Variants in PNKD observed in about 807,000 individuals in gnomAD.
The protein encoded by PNKD is PNKD metallo-beta-lactamase domain containing, also known as probable thioesterase PNKD.
Under a neutral mutation model 45.3 loss-of-function variants are expected in PNKD, and 36 were observed. That is an observed-to-expected ratio of 0.80 (90% confidence interval 0.61 to 1.05). PNKD has a LOEUF of 1.05. PNKD is among the 50% of genes least tolerant of loss of function. PNKD has a pLI of 0.00. For missense variants in PNKD, 511 were observed against 506.6 expected (o/e 1.01, Z -0.08); for synonymous variants, 197 against 210.1 (o/e 0.94, Z 0.54).
chr2:218,273,499 A>G (rs1291726390), intron 2 of PNKD, among the ~76,000 whole-genome samples: 4 of 93,196 alleles, frequency 4.3e-5, no homozygotes, highest in African/African-American at 8.7e-5. Context: ...TTTTTTTTTG[A>G]GACAGAGTTT....
chr2:218,338,193 G>T (rs939924093), intron 2 of PNKD, among the ~76,000 whole-genome samples: 2 of 151,940 alleles, frequency 1.3e-5, no homozygotes, highest in South Asian at 4.2e-4. Context: ...AGGCACAGTG[G>T]CTCACACCTG....
At chr2:218,320,038 G>A (rs1245081118) in intron 2 of PNKD, among the ~76,000 whole-genome samples, 1 of 152,236 alleles carries the variant, frequency 6.6e-6, no homozygotes, top group African/African-American at 2.4e-5. Flanking sequence ...GGTCCGTGGT[G>A]ACAAGGGAAA....
chr2:218,338,791 A>ATTT lies in PNKD; in HGVS notation c.237-975_237-973dup, dbSNP rs372040108. Among the ~76,000 whole-genome samples, 129 of 117,490 alleles carry ATTT rather than the reference A, an allele frequency of 1.1e-3. 5 individuals are homozygous for ATTT. The highest frequency in any genetic ancestry group is 7.5e-3 in the South Asian group (25 of 3,348). 77.1% of individuals were successfully genotyped at this position (117,490 alleles called of 152,430 possible). ...GAGACACCACACCCAGCCTCAGATG[A>ATTT]TTTTTTTTTTTTTTTTTTTGAGACA... is the stretch of plus-strand genomic sequence containing the variant. On this transcript the variant is annotated intron_variant, in intron 2 of 9. Transcript: ENST00000273077.
At chr2:218,328,178 G>A (rs1191865952) in intron 2 of PNKD, among the ~76,000 whole-genome samples, 3 of 152,110 alleles carry the variant, frequency 2.0e-5, no homozygotes, top group Non-Finnish European at 4.4e-5. Flanking sequence ...TCTCCACGGT[G>A]CTTCAGTCCT....
At chr2:218,335,145 C>A (rs894601701) in intron 2 of PNKD, among the ~76,000 whole-genome samples, 6 of 151,332 alleles carry the variant, frequency 4.0e-5, no homozygotes, top group Non-Finnish European at 8.8e-5. Context: ...AGGAAGATCC[C>A]ATCTCTTTAA....
chr2:218,317,288 G>T (rs1303526502), intron 2 of PNKD, among the ~76,000 whole-genome samples: 1 of 152,214 alleles, frequency 6.6e-6, no homozygotes, highest in African/African-American at 2.4e-5. Flanking sequence ...ATCTCTGGGG[G>T]ACGGACCAGA....
chr2:218,294,856 A>G (rs1307394354), intron 2 of PNKD, among the ~76,000 whole-genome samples: 2 of 152,130 alleles, frequency 1.3e-5, no homozygotes, highest in African/African-American at 4.8e-5. Context: ...TAAAGGCCTC[A>G]CCTTTTAATA....
chr2:218,305,157 C>T (rs1293778314), intron 2 of PNKD, among the ~76,000 whole-genome samples: 1 of 152,070 alleles, frequency 6.6e-6, no homozygotes, highest in Non-Finnish European at 1.5e-5. Flanking sequence ...AAGGGCTGTG[C>T]GCAGGCCTTG....
At position 218,272,547 on chromosome 2, in the gene PNKD, C is replaced by T. The variant is rs1244622493; in HGVS notation, c.236+998C>T. The T allele has an allele frequency of 3.1e-6, 5 of 1,612,866 alleles. No homozygotes were observed. In the South Asian group the frequency reaches 3.3e-5, roughly 11 times the overall value. ...TCAGGCTTGGCCCCTCCCCAAACCC[C>T]GTGCACATCTCCCCACCCGTAGGGC... On this transcript the variant is annotated intron_variant, in intron 2 of 9. Transcript: ENST00000273077.
intron 2 of PNKD, among the ~76,000 whole-genome samples, chr2:218,319,184 A>C (rs1179002578): frequency 6.6e-6 from 1 of 151,034 alleles, no homozygotes; most frequent in Admixed American, 6.6e-5. Flanking sequence ...CGAACTCCTG[A>C]CCTTGTGATC....
intron 2 of PNKD, chr2:218,327,679 C>G (rs1694193921): frequency 6.5e-6 from 1 of 152,984 alleles, no homozygotes; most frequent in Non-Finnish European, 1.5e-5. Context: ...CCCACACCCC[C>G]TACAGACCTG....
rs1694152025 is a variant in PNKD at position 218,326,178 on chromosome 2, A to C, written c.237-13605A>C. On this transcript the variant is annotated intron_variant, in intron 2 of 9. Coordinates refer to ENST00000273077, the MANE Select transcript of PNKD (RefSeq NM_015488.5). The surrounding 1 kb of genome is among the most constrained non-coding windows in gnomAD (Gnocchi z 4.1). The stretch of plus-strand genomic sequence containing the variant: ...ATAGAGGATTCTACTGGGGGTGGAA[A>C]GGCAATGATGGAAACACCAGGCTCA... Among the ~76,000 whole-genome samples, 2 of 152,248 alleles carry C rather than the reference A, an allele frequency of 1.3e-5. No homozygotes were observed. Among genetic ancestry groups the C allele is most frequent in the South Asian group, 2.1e-4 (1 of 4,828 alleles).
At chr2:218,279,614 T>G (rs973699132) in intron 2 of PNKD, 3 of 497,570 alleles carry the variant, frequency 6.0e-6, no homozygotes, top group African/African-American at 3.9e-5. Context: ...CACCATACTC[T>G]ACCAGTATGG....
chr2:218,296,308 A>G (rs1250930858), intron 2 of PNKD, among the ~76,000 whole-genome samples: 2 of 152,188 alleles, frequency 1.3e-5, no homozygotes, highest in Non-Finnish European at 2.9e-5. Context: ...AGTCAAGTCC[A>G]TGGCTGCAGG....
At position 218,340,732 on chromosome 2, in the gene PNKD, C is replaced by A; in HGVS notation, c.470C>A (p.Ser157Tyr). 6.2e-7 allele frequency: 1 copy of A among 1,613,726 alleles called. No individual in the cohort carries two copies. Among genetic ancestry groups the A allele is most frequent in the Non-Finnish European group, 8.5e-7 (1 of 1,179,660 alleles). ...CAAACCTCCTCTCTCTCGCAGGCTT[C>A]CATTGAAAAGGAAGGGGTCACCTTG... ...DPSDPRAVQASIEKEGVTLVA... is the reference protein window; with the variant it reads ...DPSDPRAVQAYIEKEGVTLVA... The change falls in exon 5 of 10, where the codon TCC (serine) becomes TAC (tyrosine). Residue 157 changes from serine (S) to tyrosine (Y), a missense_variant. Coordinates refer to ENST00000273077, the MANE Select transcript of PNKD (RefSeq NM_015488.5). This position sits in a 1 kb window ranked among gnomAD's most constrained non-coding sequence, Gnocchi z 4.2.
At chr2:218,327,962 G>GACAAA (rs1694202563) in intron 2 of PNKD, 1 of 122,482 alleles carries the variant, frequency 8.2e-6, no homozygotes, top group African/African-American at 3.6e-5. Flanking sequence ...AACTCCATCT[G>GACAAA]AAAAAAAAAA....
Position 218,270,594 on chromosome 2 carries a change from T to A in PNKD, c.59T>A (p.Val20Asp). ...LKGRGARNARVLRGILAGATA... is the reference protein window; with the variant it reads ...LKGRGARNARDLRGILAGATA... ...GGCCGGGGGGCGAGAAATGCCCGCG[T>A]CCTCCGGGGTAAGGAGAGGGACCCC... is the stretch of plus-strand genomic sequence containing the variant. Residue 20 changes from valine to aspartate, a missense_variant, in exon 1 of 10, where the codon GTC becomes GAC. Val to Asp is a radical substitution (Grantham distance 152, BLOSUM62 -3). Coordinates refer to ENST00000273077, the MANE Select transcript of PNKD (RefSeq NM_015488.5). The A allele has an allele frequency of 9.4e-7, 1 of 1,062,170 alleles. No individual in the cohort carries two copies. Among genetic ancestry groups the A allele is most frequent in the Non-Finnish European group, 1.2e-6 (1 of 806,430 alleles). The allele number at this position is 1,062,170 out of a possible 1,614,324, so 65.8% of individuals were successfully genotyped here. A position where few individuals can be genotyped will look rare whatever the true frequency, so the allele number is the denominator to read the frequency against.
In PNKD at chr2:218,326,220, T is replaced by C. The variant is rs1435777860; in HGVS notation, c.237-13563T>C. 6.6e-6 allele frequency among the ~76,000 whole-genome samples: 1 copy of C among 152,156 alleles called. No homozygotes were observed. Among genetic ancestry groups the C allele is most frequent in the Non-Finnish European group, 1.5e-5 (1 of 68,022 alleles). ...CCAGGCTCACCGGGAGGAGAGCTGT[T>C]GACCATGTTATCATTAGTAATCATC... On this transcript the variant is annotated intron_variant, in intron 2 of 9. Coordinates refer to ENST00000273077, the MANE Select transcript of PNKD (RefSeq NM_015488.5). This position sits in a 1 kb window ranked among gnomAD's most constrained non-coding sequence, Gnocchi z 4.1.
At position 218,339,776 on chromosome 2, in the gene PNKD, C is replaced by T; in HGVS notation, c.237-7C>T. 8 of 1,592,300 alleles carry T rather than the reference C, an allele frequency of 5.0e-6. No homozygotes were observed. Among genetic ancestry groups the T allele is most frequent in the Non-Finnish European group, 6.9e-6 (8 of 1,160,508 alleles). ...GGCTAATCATAGGCCACCCACTCGC[C>T]CTCTAGGTACAGCCTGTACACCCGC... On this transcript the variant is annotated splice_polypyrimidine_tract_variant and splice_region_variant and intron_variant, in intron 2 of 9. Coordinates refer to ENST00000273077, the MANE Select transcript of PNKD (RefSeq NM_015488.5).
Sources: gnomAD v4.1 joint callset for allele counts (sites outside exome capture counted in the v4.1 genomes callset) on GRCh38, gnomAD v4.1.1 for gene constraint, Gnocchi (gnomAD v3.1) non-coding constraint, MANE v1.5 for transcripts, NCBI Gene and HGNC (gene_info 2026-07-23, HGNC 2026-07-21) for gene names.